KAZN: variants seen among roughly 807,000 people sequenced by gnomAD.
KAZN encodes kazrin, periplakin interacting protein.
Under a neutral mutation model 87.4 loss-of-function variants are expected in KAZN, and 40 were observed. The ratio of observed to expected loss-of-function variants is 0.46; its 90% CI spans 0.36 to 0.60. The LOEUF is 0.60. Ranked by LOEUF, KAZN falls within the 20% of genes least tolerant of loss-of-function variation. The pLI is 0.00. For missense variants in KAZN, 898 were observed against 1,073.9 expected (o/e 0.84, Z 2.29); for synonymous variants, 466 against 458.3 (o/e 1.02, Z -0.22).
intron 1 of KAZN, among the ~76,000 whole-genome samples, chr1:14,098,061 G>A (rs1329846303): frequency 1.3e-5 from 2 of 151,348 alleles, no homozygotes; most frequent in Admixed American, 6.6e-5. Context: ...CCATTTTACC[G>A]AAGAGGAAAC....
At chr1:14,806,614 A>G (rs1313905620) in intron 1 of KAZN, among the ~76,000 whole-genome samples, 1 of 152,166 alleles carries the variant, frequency 6.6e-6, no homozygotes, top group Admixed American at 6.5e-5. Context: ...GAAACACACC[A>G]GGCTTCTTGA....
chr1:14,513,038 A>T (rs1171251434), intron 2 of KAZN, among the ~76,000 whole-genome samples: 5 of 152,108 alleles, frequency 3.3e-5, no homozygotes, highest in African/African-American at 1.2e-4. Flanking sequence ...TATGATTGAG[A>T]TTGCTTATAA....
intron 2 of KAZN, among the ~76,000 whole-genome samples, chr1:14,382,500 G>T (rs201059364): frequency 0.022 from 2,437 of 111,302 alleles, 84 homozygotes; most frequent in East Asian, 0.2. Flanking sequence ...CCCAGAGTGT[G>T]ATGTTCCCCT....
chr1:14,734,988 C>T (rs1643851381), intron 1 of KAZN, among the ~76,000 whole-genome samples: 1 of 152,232 alleles, frequency 6.6e-6, no homozygotes, highest in African/African-American at 2.4e-5. Context: ...ATTCAGGAGG[C>T]AGTAGGTGTG....
chr1:14,915,644 G>A (rs182256882), intron 1 of KAZN, among the ~76,000 whole-genome samples: 1 of 152,336 alleles, frequency 6.6e-6, no homozygotes, highest in East Asian at 1.9e-4. Context: ...GCTGCCCACA[G>A]GCATGCATTC....
chr1:14,629,917 C>A (rs887374697), intron 1 of KAZN, among the ~76,000 whole-genome samples: 2 of 152,134 alleles, frequency 1.3e-5, no homozygotes, highest in African/African-American at 4.8e-5. Flanking sequence ...CTCTGAGAAG[C>A]AAATAAAGCC....
At position 14,488,516 on chromosome 1, in the gene KAZN, A is replaced by C. The variant is rs1298665586; in HGVS notation, c.250-110467A>C. Among the ~76,000 whole-genome samples the C allele has an allele frequency of 7.9e-5, 12 of 152,172 alleles. No homozygotes were observed. In the East Asian group the frequency reaches 2.3e-3, roughly 29 times the overall value. The stretch of plus-strand genomic sequence containing the variant: ...GTAACTGCTGGGCCTCCACTTCCCC[A>C]TCTAGAACATGGGGCTTGTAATAGT... On this transcript the variant is annotated intron_variant, in intron 2 of 16. Transcript: ENST00000636203.
intron 1 of KAZN, among the ~76,000 whole-genome samples, chr1:14,692,860 G>A (rs535132124): frequency 3.9e-5 from 6 of 152,358 alleles, no homozygotes; most frequent in Non-Finnish European, 7.3e-5. Context: ...TTGAATCTGG[G>A]AGGTGGAGGT....
intron 1 of KAZN, among the ~76,000 whole-genome samples, chr1:14,838,475 G>T (rs566552592): frequency 6.6e-6 from 1 of 152,282 alleles, no homozygotes; most frequent in African/African-American, 2.4e-5. Flanking sequence ...CCCCCACCTG[G>T]TCAGTTACCC....
chr1:15,015,524 G>A (rs1669998377), intron 2 of KAZN, among the ~76,000 whole-genome samples: 1 of 152,176 alleles, frequency 6.6e-6, no homozygotes, highest in African/African-American at 2.4e-5. Context: ...TGTGCGGCTG[G>A]AGCTGTCTCT....
intron 2 of KAZN, among the ~76,000 whole-genome samples, chr1:14,544,738 TAAA>T (rs58351260): frequency 2.2e-5 from 3 of 137,760 alleles, no homozygotes; most frequent in Non-Finnish European, 3.2e-5. Flanking sequence ...CTTCTTTATT[TAAA>T]AAAAAAAAAA....
intron 1 of KAZN, among the ~76,000 whole-genome samples, chr1:13,974,828 A>G (rs920715405): frequency 1.8e-4 from 27 of 152,236 alleles, no homozygotes; most frequent in Non-Finnish European, 3.5e-4. Flanking sequence ...GCCCCAGAAA[A>G]CCACTACACC....
At chr1:14,304,189 A>G (rs1480651803) in intron 2 of KAZN, among the ~76,000 whole-genome samples, 1 of 152,216 alleles carries the variant, frequency 6.6e-6, no homozygotes, top group African/African-American at 2.4e-5. Flanking sequence ...GACATTCTTC[A>G]GTTCAGAATT....
At chr1:14,554,804 T>C (rs1410164807) in intron 2 of KAZN, among the ~76,000 whole-genome samples, 2 of 152,200 alleles carry the variant, frequency 1.3e-5, no homozygotes, top group Admixed American at 6.5e-5. Flanking sequence ...TCCTAGACCC[T>C]ATAAGTCTTC....
chr1:14,538,382 C>T (rs999681596), intron 2 of KAZN, among the ~76,000 whole-genome samples: 1 of 152,140 alleles, frequency 6.6e-6, no homozygotes, highest in African/African-American at 2.4e-5. Flanking sequence ...TGTGCTATAA[C>T]AACATACCCA....
At chr1:14,483,804 A>G (rs777451562) in intron 2 of KAZN, among the ~76,000 whole-genome samples, 16 of 151,996 alleles carry the variant, frequency 1.1e-4, no homozygotes, top group Non-Finnish European at 2.4e-4. Context: ...TGTTGCCCCT[A>G]TTTTTGGGGT....
At chr1:14,924,131 G>T (rs1262668396) in intron 1 of KAZN, 1 of 982,462 alleles carries the variant, frequency 1.0e-6, no homozygotes, top group Non-Finnish European at 1.2e-6. Flanking sequence ...GGGACTGAGA[G>T]CCGTTCCCAC....
chr1:14,344,979 C>T (rs944142628), intron 2 of KAZN, among the ~76,000 whole-genome samples: 3 of 149,156 alleles, frequency 2.0e-5, no homozygotes, highest in Admixed American at 6.7e-5. Flanking sequence ...AGTGCAGTGG[C>T]GTGATCTCGG....
chr1:14,078,010 TGC>T (rs1196055390), intron 1 of KAZN, among the ~76,000 whole-genome samples: 16 of 152,346 alleles, frequency 1.1e-4, no homozygotes, highest in Admixed American at 2.6e-4. Context: ...TCTCCAAGAC[TGC>T]GAGAGAATAG....
Sources: gnomAD v4.1 joint callset for allele counts (sites outside exome capture counted in the v4.1 genomes callset) on GRCh38, gnomAD v4.1.1 for gene constraint, MANE v1.5 for transcripts, NCBI Gene and HGNC (gene_info 2026-07-23, HGNC 2026-07-21) for gene names.